IAPP: variants seen among roughly 807,000 people sequenced by gnomAD.
IAPP encodes islet amyloid polypeptide.
In IAPP, 4 loss-of-function variants were observed where a neutral mutation model predicts 2.9. The ratio of observed to expected loss-of-function variants is 1.39; its 90% CI spans 0.69 to 3.19. IAPP has a LOEUF of 3.19. Among genes scored for constraint, IAPP ranks in the 30% most tolerant of loss-of-function variants. The pLI is 0.01. For missense variants in IAPP, 114 were observed against 105.3 expected, an observed-to-expected ratio of 1.08 and a Z score of -0.36; for synonymous variants, 40 against 42.1, an observed-to-expected ratio of 0.95 and a Z score of 0.19.
At chr12:21,357,718 AT>A (rs981737618) in intron 1 of IAPP, among the ~76,000 whole-genome samples, 1 of 151,096 alleles carries the variant, frequency 6.6e-6, no homozygotes, top group African/African-American at 2.4e-5. Context: ...TTCTGTGTTT[AT>A]TTTTTTTGTT....
At chr12:21,371,342 T>C (rs1270713240), upstream of IAPP, among the ~76,000 whole-genome samples, 1 of 152,192 alleles carries the variant, frequency 6.6e-6, no homozygotes, top group Non-Finnish European at 1.5e-5. Flanking sequence ...CTACCTCATA[T>C]TCACCTTGTT....
chr12:21,377,888 T>C (rs1244760260), intron 2 of IAPP, among the ~76,000 whole-genome samples: 3 of 152,154 alleles, frequency 2.0e-5, no homozygotes, highest in African/African-American at 7.2e-5. Context: ...TTTTACCTTC[T>C]AAATTCTTTT....
chr12:21,361,716 G>A (rs1204591553), intron 1 of IAPP, among the ~76,000 whole-genome samples: 1 of 152,146 alleles, frequency 6.6e-6, no homozygotes, highest in Admixed American at 6.6e-5. Context: ...TGATGGAGCT[G>A]AAAATCATGG....
At chr12:21,359,854 C>T (rs935230236) in intron 1 of IAPP, among the ~76,000 whole-genome samples, 22 of 152,058 alleles carry the variant, frequency 1.4e-4, no homozygotes, top group Admixed American at 1.3e-4. Context: ...ATATTTGTTG[C>T]AGCTTTATTT....
intron 1 of IAPP, among the ~76,000 whole-genome samples, chr12:21,360,219 T>C (rs1938721323): frequency 6.6e-6 from 1 of 152,200 alleles, no homozygotes; most frequent in African/African-American, 2.4e-5. Flanking sequence ...GATGGAAATG[T>C]CTGTTACATT....
chr12:21,378,491 C>A lies in IAPP; in HGVS notation c.*65C>A. ...TGATTTCCTGTATAATTTAACAGTG[C>A]CCTTTTCATCTCCAGTGTGAATATA... On this transcript the variant is annotated 3_prime_UTR_variant, in exon 3 of 3. Coordinates refer to ENST00000240652, the MANE Select transcript of IAPP (RefSeq NM_000415.3). 2.3e-6 allele frequency: 3 copies of A among 1,287,360 alleles called. No individual in the cohort carries two copies. The highest frequency in any genetic ancestry group is 3.4e-6 in the Non-Finnish European group (3 of 883,860). The allele number at this position is 1,287,360 out of a possible 1,614,324, so 79.7% of individuals were successfully genotyped here.
intron 2 of IAPP, chr12:21,376,465 C>A (rs148144550): frequency 2.2e-3 from 397 of 177,350 alleles, no homozygotes; most frequent in Non-Finnish European, 3.7e-3. Context: ...ATTTATGGTA[C>A]CTTCAAAAAT....
chr12:21,371,039 G>C (rs1939749672), upstream of IAPP, among the ~76,000 whole-genome samples: 1 of 152,276 alleles, frequency 6.6e-6, no homozygotes, highest in African/African-American at 2.4e-5. Flanking sequence ...CATATGCAGA[G>C]AGTAGCAGCT....
At chr12:21,358,577 A>C (rs1317211052) in intron 1 of IAPP, among the ~76,000 whole-genome samples, 1 of 152,172 alleles carries the variant, frequency 6.6e-6, no homozygotes, top group Admixed American at 6.5e-5. Flanking sequence ...TTCTATCATC[A>C]TATATAGATA....
At chr12:21,372,377 G>C (rs947120260), upstream of IAPP, among the ~76,000 whole-genome samples, 3 of 152,010 alleles carry the variant, frequency 2.0e-5, no homozygotes, top group Non-Finnish European at 4.4e-5. Context: ...CCACAGAGTA[G>C]GTCTTCCATT....
chr12:21,372,324 GT>G (rs1939860885), upstream of IAPP, among the ~76,000 whole-genome samples: 1 of 152,062 alleles, frequency 6.6e-6, no homozygotes, highest in Non-Finnish European at 1.5e-5. Flanking sequence ...TTCTAATTTT[GT>G]TTTGTTCCCT....
At chr12:21,374,199 G>A (rs894030740) in intron 2 of IAPP, among the ~76,000 whole-genome samples, 2 of 152,082 alleles carry the variant, frequency 1.3e-5, no homozygotes, top group Non-Finnish European at 2.9e-5. Context: ...ACTATGTCAC[G>A]TAAAACTCTT....
In IAPP at chr12:21,378,493, C is replaced by T. The variant is rs895825229; in HGVS notation, c.*67C>T. The T allele has an allele frequency of 5.8e-5, 74 of 1,274,514 alleles. No individual in the cohort carries two copies. The highest frequency in any genetic ancestry group is 3.7e-4 in the Admixed American group (22 of 59,304). The allele number at this position is 1,274,514 out of a possible 1,614,324, so 79.0% of individuals were successfully genotyped here. On this transcript the variant is annotated 3_prime_UTR_variant, in exon 3 of 3. Transcript: ENST00000240652. The stretch of plus-strand genomic sequence containing the variant: ...ATTTCCTGTATAATTTAACAGTGCC[C>T]TTTTCATCTCCAGTGTGAATATATG...
intron 1 of IAPP, among the ~76,000 whole-genome samples, chr12:21,363,645 G>A (rs144622370): frequency 0.065 from 9,862 of 152,122 alleles, 345 homozygotes; most frequent in Middle Eastern, 0.14. Flanking sequence ...TTGATAGACT[G>A]CTAGCAAGAC....
chr12:21,361,218 C>T (rs148996668), intron 1 of IAPP, among the ~76,000 whole-genome samples: 24 of 152,318 alleles, frequency 1.6e-4, no homozygotes, highest in African/African-American at 5.8e-4. Context: ...GCAACATCTG[C>T]TGTTCTGCAA....
At chr12:21,378,189 G>C in intron 2 of IAPP, 48 bp from the exon 3 acceptor site, 1 of 1,547,412 alleles carries the variant, frequency 6.5e-7, no homozygotes, top group South Asian at 1.1e-5. Context: ...GCTGGATCCA[G>C]CTAAAATTCT....
Position 21,378,149 on chromosome 12 carries a change from T to C in IAPP, c.81-88T>C, listed in dbSNP as rs1198746214. 4.1e-5 allele frequency: 50 copies of C among 1,211,124 alleles called. No homozygotes were observed. The East Asian group carries it at 1.2e-3, about 28-fold the overall frequency. 75.0% of individuals were successfully genotyped at this position (1,211,124 alleles called of 1,614,324 possible). A position where few individuals can be genotyped will look rare whatever the true frequency, so the allele number is the denominator to read the frequency against. The stretch of plus-strand genomic sequence containing the variant: ...TATGTGAAAATTGTTTCTTTGGTTT[T>C]CATCAATACAAGATATTTGATGTCA... On this transcript the variant is annotated intron_variant, in intron 2 of 2. Coordinates refer to ENST00000240652, the MANE Select transcript of IAPP (RefSeq NM_000415.3).
At chr12:21,369,585 T>C (rs911281939), upstream of IAPP, among the ~76,000 whole-genome samples, 19 of 152,348 alleles carry the variant, frequency 1.2e-4, no homozygotes, top group African/African-American at 4.3e-4. Context: ...AGATATCACA[T>C]ATTATTCCAC....
Position 21,356,935 on chromosome 12 carries a change from ATAC to A in IAPP, c.-16+1925_-16+1927del, listed in dbSNP as rs1473800127. Among the ~76,000 whole-genome samples, 14 of 152,302 alleles carry A rather than the reference ATAC, an allele frequency of 9.2e-5. No individual in the cohort carries two copies. In the East Asian group the frequency reaches 2.7e-3, roughly 29 times the overall value. On this transcript the variant is annotated intron_variant, in intron 1 of 2. Coordinates refer to the IAPP transcript ENST00000539393. ...TGGAAACTTTACTGAAATAGATTAT[ATAC>A]TAGATTACAAATATAAATATAATAA...
Sources: allele counts gnomAD v4.1 joint callset (sites outside exome capture counted in the v4.1 genomes callset), GRCh38; gene constraint gnomAD v4.1.1; transcripts MANE v1.5; gene names NCBI Gene and HGNC (gene_info 2026-07-23, HGNC 2026-07-21).